HIVEP2: variants seen among roughly 807,000 people sequenced by gnomAD.
HIVEP2 encodes transcription factor HIVEP2.
A neutral mutation model predicts 180.7 loss-of-function variants in HIVEP2; 14 were observed. The ratio of observed to expected loss-of-function variants is 0.08; its 90% CI spans 0.05 to 0.12. The LOEUF is 0.12. Among genes scored for constraint, HIVEP2 ranks in the 10% least tolerant of loss-of-function variants. The pLI is 1.00. For missense variants in HIVEP2, 2,579 were observed against 3,008.5 expected, an observed-to-expected ratio of 0.86 and a Z score of 3.34; for synonymous variants, 1,184 against 1,136.4, an observed-to-expected ratio of 1.04 and a Z score of -0.84.
intron 1 of HIVEP2, among the ~76,000 whole-genome samples, chr6:142,896,235 AC>A (rs1776989106): frequency 6.7e-6 from 1 of 149,270 alleles, no homozygotes; most frequent in Non-Finnish European, 1.5e-5. Context: ...TTGTTCTTCA[AC>A]CTTATGGAGA....
intron 1 of HIVEP2, among the ~76,000 whole-genome samples, chr6:142,922,052 C>T (rs1428666560): frequency 2.0e-5 from 3 of 152,132 alleles, no homozygotes; most frequent in African/African-American, 7.2e-5. Context: ...CATTTCCCTC[C>T]TCTCTGTCTA....
chr6:142,756,732 C>T (rs1262047105), intron 9 of HIVEP2, among the ~76,000 whole-genome samples: 1 of 151,758 alleles, frequency 6.6e-6, no homozygotes, highest in African/African-American at 2.4e-5. Context: ...CATCCTCAAC[C>T]TCGAACCATG....
chr6:142,927,004 CGGCGGCGCGGCGGCGCGG>C (rs1436430147), intron 1 of HIVEP2, among the ~76,000 whole-genome samples: 1 of 151,242 alleles, frequency 6.6e-6, no homozygotes, highest in Middle Eastern at 3.2e-3. Context: ...AGGCAGCGCG[CGGCGGCGCGGCGGCGCGG>C]GGCGGGCGGC....
At chr6:142,860,647 C>T (rs555093760) in intron 1 of HIVEP2, among the ~76,000 whole-genome samples, 8 of 152,268 alleles carry the variant, frequency 5.3e-5, no homozygotes, top group East Asian at 1.9e-4. Flanking sequence ...CCCTGGCATG[C>T]GCAGTTCACA....
chr6:142,807,567 T>A (rs1177055712), intron 2 of HIVEP2, among the ~76,000 whole-genome samples: 3 of 151,784 alleles, frequency 2.0e-5, no homozygotes, highest in African/African-American at 7.2e-5. Flanking sequence ...CACGTTCTCA[T>A]AAAAAGCACC....
At chr6:142,793,622 C>CTATT (rs757277088) in intron 2 of HIVEP2, among the ~76,000 whole-genome samples, 1 of 50,298 alleles carries the variant, frequency 2.0e-5, no homozygotes, top group East Asian at 3.5e-4. Flanking sequence ...ATCCTTCCTT[C>CTATT]TCTTTCTTTC....
rs930146544 is a variant in HIVEP2, at chr6:142,824,550, G to A, written c.-528+12385C>T. On this transcript the variant is annotated intron_variant, in intron 2 of 9. Coordinates refer to ENST00000367603, the MANE Select transcript of HIVEP2 (RefSeq NM_006734.4). ...AATGACCCTCCCCAGCTGTGTGTTCGTAAGGTCCAAATCAAGCTTGGCTTA... is the reference window on the plus strand; with the variant it reads ...AATGACCCTCCCCAGCTGTGTGTTCATAAGGTCCAAATCAAGCTTGGCTTA... Among the ~76,000 whole-genome samples, 7 of 152,236 alleles carry A rather than the reference G, an allele frequency of 4.6e-5. No homozygotes were observed. The East Asian group carries it at 1.2e-3, about 25-fold the overall frequency.
chr6:142,754,270 C>CA (rs34687776), intron 9 of HIVEP2, among the ~76,000 whole-genome samples: 16,278 of 132,746 alleles, frequency 0.12, 910 homozygotes, highest in Middle Eastern at 0.29. Context: ...GGATAATTGG[C>CA]AAAAAAAAAA....
At chr6:142,923,663 A>G (rs942775552) in intron 1 of HIVEP2, among the ~76,000 whole-genome samples, 1 of 152,172 alleles carries the variant, frequency 6.6e-6, no homozygotes, top group Non-Finnish European at 1.5e-5. Flanking sequence ...ATTAATTTCA[A>G]GACAGTGACA....
intron 2 of HIVEP2, among the ~76,000 whole-genome samples, chr6:142,787,242 T>C (rs1467330744): frequency 8.0e-6 from 1 of 125,382 alleles, no homozygotes; most frequent in Non-Finnish European, 1.8e-5. Flanking sequence ...TGAGACCCCG[T>C]CTCAAAAATA....
chr6:142,800,795 TCTGTTCTGATGTTGAGTGTCTCTCC>T (rs1304831330), intron 2 of HIVEP2, among the ~76,000 whole-genome samples: 2 of 152,162 alleles, frequency 1.3e-5, no homozygotes, highest in Non-Finnish European at 2.9e-5. Context: ...GAAAGATCCT[TCTGTTCTGATGTTGAGTGTCTCTCC>T]CTAGGCTAAT....
chr6:142,911,139 T>TAAAAAAAAAAAAAAAAAAAAAATAA (rs5880554), intron 1 of HIVEP2, among the ~76,000 whole-genome samples: 1 of 106,228 alleles, frequency 9.4e-6, no homozygotes, highest in Non-Finnish European at 1.9e-5. Flanking sequence ...ACAAACACAT[T>TAAAAAAAAAAAAAAAAAAAAAATAA]AAAAAAAAAA....
intron 1 of HIVEP2, among the ~76,000 whole-genome samples, chr6:142,899,232 A>T (rs775382730): frequency 5.3e-5 from 8 of 152,032 alleles, no homozygotes; most frequent in Non-Finnish European, 8.8e-5. Context: ...CTTTTTTGCT[A>T]AGGCTTTATC....
Position 142,752,956 on chromosome 6 carries a change from C to T in HIVEP2, c.*151G>A. ...AGGCTCATGATGACTTGTTAATTTA[C>T]CTAATTCTTTTGATATAACAAAAGT... On this transcript the variant is annotated 3_prime_UTR_variant, in exon 10 of 10. Coordinates refer to ENST00000367603, the MANE Select transcript of HIVEP2 (RefSeq NM_006734.4). 1 of 605,458 alleles carries T rather than the reference C, an allele frequency of 1.7e-6. No homozygotes were observed. The highest frequency in any genetic ancestry group is 2.1e-5 in the South Asian group (1 of 48,232). 37.5% of individuals were successfully genotyped at this position (605,458 alleles called of 1,614,324 possible).
intron 1 of HIVEP2, among the ~76,000 whole-genome samples, chr6:142,860,643 C>T (rs1283927755): frequency 6.6e-6 from 1 of 152,178 alleles, no homozygotes; most frequent in Non-Finnish European, 1.5e-5. Flanking sequence ...AGATCCCTGG[C>T]ATGCGCAGTT....
At chr6:142,860,913 A>T (rs1775962080) in intron 1 of HIVEP2, among the ~76,000 whole-genome samples, 1 of 152,230 alleles carries the variant, frequency 6.6e-6, no homozygotes, top group Admixed American at 6.5e-5. Context: ...TTTTAAAATG[A>T]GAGGAAGCTT....
In HIVEP2 at chr6:142,834,395, A is replaced by T. The variant is rs562645384; in HGVS notation, c.-528+2540T>A. 2.0e-5 allele frequency among the ~76,000 whole-genome samples: 3 copies of T among 152,296 alleles called. No individual in the cohort carries two copies. In the South Asian group the frequency reaches 6.2e-4, roughly 32 times the overall value. Reference sequence around the variant, plus strand: ...GTAATAATTGTATAATTATCAGCAAATTAATTACTGCTCTTTAACCCAATA... The same window carrying T: ...GTAATAATTGTATAATTATCAGCAATTTAATTACTGCTCTTTAACCCAATA... On this transcript the variant is annotated intron_variant, in intron 2 of 9. Transcript: ENST00000367603.
At chr6:142,902,132 G>C (rs1425628627) in intron 1 of HIVEP2, among the ~76,000 whole-genome samples, 1 of 152,158 alleles carries the variant, frequency 6.6e-6, no homozygotes, top group African/African-American at 2.4e-5. Context: ...TCTCCCCTTA[G>C]GTGTGGGCTG....
chr6:142,924,050 T>C (rs537876846), intron 1 of HIVEP2, among the ~76,000 whole-genome samples: 2 of 152,196 alleles, frequency 1.3e-5, no homozygotes, highest in Non-Finnish European at 2.9e-5. Context: ...ATGAGCTTTT[T>C]AAAAAATGAC....
Sources: gnomAD v4.1 joint callset for allele counts (sites outside exome capture counted in the v4.1 genomes callset) on GRCh38, gnomAD v4.1.1 for gene constraint, MANE v1.5 for transcripts, NCBI Gene and HGNC (gene_info 2026-07-23, HGNC 2026-07-21) for gene names.